The following PTBP3 variants were observed in gnomAD, a reference collection of about 807,000 sequenced individuals.
PTBP3 encodes polypyrimidine tract-binding protein 3.
PTBP3 carries 20 observed loss-of-function variants against 58.7 expected under a neutral mutation model. The observed-to-expected ratio is 0.34, with a 90% CI of 0.24 to 0.50. PTBP3 has a LOEUF of 0.50. PTBP3 is among the 20% of genes least tolerant of loss of function. The pLI, the probability that PTBP3 is intolerant of heterozygous loss-of-function variation, is 0.98. For missense variants in PTBP3, 509 were observed against 637.2 expected (o/e 0.80, Z 2.17); for synonymous variants, 185 against 219.8 (o/e 0.84, Z 1.40).
At chr9:112,256,345 T>C (rs1007283308) in intron 5 of PTBP3, among the ~76,000 whole-genome samples, 1 of 149,558 alleles carries the variant, frequency 6.7e-6, no homozygotes, top group Non-Finnish European at 1.5e-5. Context: ...TACTGTACTA[T>C]ATATTTATTT....
chr9:112,312,484 T>G (rs1254547031), intron 1 of PTBP3, among the ~76,000 whole-genome samples: 11 of 53,524 alleles, frequency 2.1e-4, no homozygotes, highest in African/African-American at 9.5e-4. Context: ...TTGTTTTTTT[T>G]TTTGTTTTTT....
At chr9:112,309,159 G>T (rs954625093) in intron 1 of PTBP3, among the ~76,000 whole-genome samples, 1 of 151,702 alleles carries the variant, frequency 6.6e-6, no homozygotes, top group Non-Finnish European at 1.5e-5. Context: ...TACAAAAGAG[G>T]CTATCAAAAA....
rs1425605220 is a variant in PTBP3 at position 112,333,071 on chromosome 9, G to A, written c.-52+399C>T. ...CCCGGCAGGAGGACGCCCGCCCCGC[G>A]CGCCGCCTCCGCCTCCCCCAGCGCC... On this transcript the variant is annotated intron_variant, in intron 1 of 13. Transcript: ENST00000374257. The A allele has an allele frequency of 7.9e-6, 10 of 1,267,640 alleles. No homozygotes were observed. The Admixed American group carries it at 1.3e-4, about 16-fold the overall frequency. 78.5% of individuals were successfully genotyped at this position (1,267,640 alleles called of 1,614,324 possible).
rs1038536986 is a variant in PTBP3, at chr9:112,333,060, G to A, written c.-52+410C>T. ...ACAGCAACTCCCCCGGCAGGAGGAC[G>A]CCCGCCCCGCGCGCCGCCTCCGCCT... On this transcript the variant is annotated intron_variant, in intron 1 of 13. Coordinates refer to ENST00000374257, the MANE Select transcript of PTBP3 (RefSeq NM_001163788.4). 7 of 1,265,388 alleles carry A rather than the reference G, an allele frequency of 5.5e-6. No homozygotes were observed. The African/African-American group carries it at 7.8e-5, about 14-fold the overall frequency. The allele number at this position is 1,265,388 out of a possible 1,614,324, so 78.4% of individuals were successfully genotyped here. A position where few individuals can be genotyped will look rare whatever the true frequency, so the allele number is the denominator to read the frequency against.
the PTBP3 span, among the ~76,000 whole-genome samples, chr9:112,369,099 G>T: frequency 6.6e-6 from 1 of 152,274 alleles, no homozygotes; most frequent in African/African-American, 2.4e-5. Context: ...ACACCTGGAT[G>T]TCCAAGCAGA....
At position 112,221,303 on chromosome 9, in the gene PTBP3, C is replaced by T. The variant is rs1389458355; in HGVS notation, c.*2548G>A. Reference sequence around the variant, plus strand: ...CATTCACACACACACACAAACACACCCCTACACAAATCCCTGAAAAGGATT... The same window carrying T: ...CATTCACACACACACACAAACACACTCCTACACAAATCCCTGAAAAGGATT... On this transcript the variant is annotated 3_prime_UTR_variant, in exon 14 of 14. Transcript: ENST00000374257. 2.5e-5 allele frequency: 25 copies of T among 985,514 alleles called. No homozygotes were observed. The South Asian group carries it at 1.1e-3, about 43-fold the overall frequency. 61.0% of individuals were successfully genotyped at this position (985,514 alleles called of 1,614,324 possible).
At chr9:112,374,000 T>C in the PTBP3 span, among the ~76,000 whole-genome samples, 1 of 152,046 alleles carries the variant, frequency 6.6e-6, no homozygotes, top group Admixed American at 6.6e-5. Context: ...CCTGGTGGGG[T>C]GACCCAAACT....
intron 1 of PTBP3, among the ~76,000 whole-genome samples, chr9:112,312,610 A>T (rs1216266835): frequency 1.3e-5 from 2 of 149,666 alleles, no homozygotes; most frequent in Non-Finnish European, 2.9e-5. Context: ...AAATGGTGCA[A>T]ATATGAACTG....
At chr9:112,240,674 G>A (rs756206928) in intron 7 of PTBP3, among the ~76,000 whole-genome samples, 42 of 147,130 alleles carry the variant, frequency 2.9e-4, no homozygotes, top group Non-Finnish European at 5.4e-4. Context: ...AAACTTAACC[G>A]TAAAACAGCT....
intron 8 of PTBP3, 119 bp from the exon 9 acceptor site, chr9:112,232,357 C>T (rs1016922690): frequency 9.2e-6 from 10 of 1,087,332 alleles, no homozygotes; most frequent in East Asian, 2.6e-5. Context: ...GTCAAGGCTA[C>T]CATAAAGATA....
At position 112,310,369 on chromosome 9, in the gene PTBP3, T is replaced by C. The variant is rs115965517; in HGVS notation, c.-51-12453A>G. On this transcript the variant is annotated intron_variant, in intron 1 of 13. Coordinates refer to ENST00000374257, the MANE Select transcript of PTBP3 (RefSeq NM_001163788.4). ...TATTTTCTTTAATGCCTGCAAGTAA[T>C]TCCTCTAAAAAGCCTTCTAATTCAT... 4.0e-3 allele frequency among the ~76,000 whole-genome samples: 606 copies of C among 152,346 alleles called. 4 individuals are homozygous for C. The highest frequency in any genetic ancestry group is 0.014 in the African/African-American group (587 of 41,582).
At chr9:112,264,156 T>C (rs1395107855) in intron 4 of PTBP3, among the ~76,000 whole-genome samples, 6 of 152,198 alleles carry the variant, frequency 3.9e-5, no homozygotes, top group Admixed American at 3.3e-4. Context: ...AGGAGAAATG[T>C]ATACTTCATG....
rs1329697669 is a variant in PTBP3 at position 112,220,659 on chromosome 9, G to A, written c.*3192C>T. The A allele has an allele frequency of 5.1e-5, 50 of 987,620 alleles. No homozygotes were observed. The highest frequency in any genetic ancestry group is 5.9e-5 in the Non-Finnish European group (49 of 831,176). 61.2% of individuals were successfully genotyped at this position (987,620 alleles called of 1,614,324 possible). The stretch of plus-strand genomic sequence containing the variant: ...TGCTGGGTAATTCTGATACTCTCCA[G>A]TAAGTATCAATTAAGATACTGGGTC... On this transcript the variant is annotated 3_prime_UTR_variant, in exon 14 of 14. Coordinates refer to ENST00000374257, the MANE Select transcript of PTBP3 (RefSeq NM_001163788.4).
rs576671072 is a variant in PTBP3 at position 112,272,376 on chromosome 9, A to G, written c.204+3468T>C. Among the ~76,000 whole-genome samples, 241 of 152,270 alleles carry G rather than the reference A, an allele frequency of 1.6e-3. 1 individual carries two copies. Among genetic ancestry groups the G allele is most frequent in the Non-Finnish European group, 2.8e-3 (188 of 68,020 alleles). On this transcript the variant is annotated intron_variant, in intron 3 of 13. Coordinates refer to ENST00000374257, the MANE Select transcript of PTBP3 (RefSeq NM_001163788.4). ...CACTGTGCCCAGCCTTTGTCGCCCT[A>G]TTTTAATGATTAGTTATAAACTATA... is the stretch of plus-strand genomic sequence containing the variant.
Position 112,276,123 on chromosome 9 carries a change from C to T in PTBP3, c.35-110G>A, listed in dbSNP as rs1463926783. The stretch of plus-strand genomic sequence containing the variant: ...TAAATGAGTTTTGGGTTTTGAACTT[C>T]AGGGAAACGTGGGGCTGATGGGGGT... On this transcript the variant is annotated intron_variant, in intron 2 of 13. Coordinates refer to ENST00000374257, the MANE Select transcript of PTBP3 (RefSeq NM_001163788.4). 5 of 1,008,768 alleles carry T rather than the reference C, an allele frequency of 5.0e-6. No homozygotes were observed. In the African/African-American group the frequency reaches 8.3e-5, roughly 17 times the overall value. The allele number at this position is 1,008,768 out of a possible 1,614,324, so 62.5% of individuals were successfully genotyped here.
intron 1 of PTBP3, among the ~76,000 whole-genome samples, chr9:112,326,608 C>A (rs1050963061): frequency 6.6e-5 from 10 of 152,200 alleles, no homozygotes; most frequent in African/African-American, 2.4e-4. Context: ...TTTTCATACT[C>A]ATCTACTCAC....
intron 2 of PTBP3, among the ~76,000 whole-genome samples, chr9:112,294,003 A>G (rs994946837): frequency 1.3e-5 from 2 of 152,204 alleles, no homozygotes; most frequent in South Asian, 4.1e-4. Context: ...TGAATATAGC[A>G]TATCAAAATA....
intron 7 of PTBP3, among the ~76,000 whole-genome samples, chr9:112,235,486 T>C (rs1431369599): frequency 1.3e-5 from 2 of 152,192 alleles, no homozygotes; most frequent in African/African-American, 4.8e-5. Context: ...AAACAAATGC[T>C]GGTCTTCTCT....
intron 2 of PTBP3, among the ~76,000 whole-genome samples, chr9:112,284,698 A>G (rs1402540051): frequency 1.3e-5 from 2 of 152,170 alleles, no homozygotes; most frequent in East Asian, 3.9e-4. Context: ...TCCGTCTCAA[A>G]AAACAAAACA....
Sources: gnomAD v4.1 joint callset for allele counts (sites outside exome capture counted in the v4.1 genomes callset) on GRCh38, gnomAD v4.1.1 for gene constraint, MANE v1.5 for transcripts, NCBI Gene and HGNC (gene_info 2026-07-23, HGNC 2026-07-21) for gene names.